CACNA1B: variants seen among roughly 807,000 people sequenced by gnomAD.
CACNA1B encodes calcium voltage-gated channel subunit alpha1 B.
Under a neutral mutation model 247.2 loss-of-function variants are expected in CACNA1B, and 70 were observed. The observed-to-expected ratio is 0.28, with a 90% CI of 0.23 to 0.35. The LOEUF (loss-of-function observed/expected upper bound fraction) is 0.35. Among genes scored for constraint, CACNA1B ranks in the 10% least tolerant of loss-of-function variants. The pLI is 1.00. For missense variants in CACNA1B, 2,367 were observed against 3,197.4 expected (o/e 0.74, Z 6.26); for synonymous variants, 1,231 against 1,294.4 (o/e 0.95, Z 1.05).
intron 6 of CACNA1B, among the ~76,000 whole-genome samples, chr9:137,945,892 C>T (rs1242784853): frequency 6.6e-6 from 1 of 152,078 alleles, no homozygotes; most frequent in Non-Finnish European, 1.5e-5. Flanking sequence ...CATCACAGCT[C>T]ACTGCAACCT....
At position 138,058,996 on chromosome 9, in the gene CACNA1B, C is replaced by G; in HGVS notation, c.4474-83C>G. On this transcript the variant is annotated intron_variant, in intron 29 of 46. Transcript: ENST00000371372. This position sits in a 1 kb window ranked among gnomAD's most constrained non-coding sequence, Gnocchi z 4.7. ...AGGCAGGCATCGAGTTCTGTCTGCCCGCTTTGCTTGGTCATAGTGGTCCCA... is the reference window on the plus strand; with the variant it reads ...AGGCAGGCATCGAGTTCTGTCTGCCGGCTTTGCTTGGTCATAGTGGTCCCA... 1 of 845,784 alleles carries G rather than the reference C, an allele frequency of 1.2e-6. No individual in the cohort carries two copies. The highest frequency in any genetic ancestry group is 1.5e-5 in the South Asian group (1 of 67,860). The allele number at this position is 845,784 out of a possible 1,614,324, so 52.4% of individuals were successfully genotyped here.
At position 137,990,655 on chromosome 9, in the gene CACNA1B, G is replaced by A. The variant is rs1364467813; in HGVS notation, c.1974+3801G>A. Reference sequence around the variant, plus strand: ...CTGGAGGTCAACCAATATAAAACCAGCACACTCAACAAAAATACAGCCAAG... The same window carrying A: ...CTGGAGGTCAACCAATATAAAACCAACACACTCAACAAAAATACAGCCAAG... On this transcript the variant is annotated intron_variant, in intron 15 of 46. Coordinates refer to ENST00000371372, the MANE Select transcript of CACNA1B (RefSeq NM_000718.4). This position sits in a 1 kb window ranked among gnomAD's most constrained non-coding sequence, Gnocchi z 4.5. Among the ~76,000 whole-genome samples the A allele has an allele frequency of 1.3e-5, 2 of 150,310 alleles. No individual in the cohort carries two copies. Among genetic ancestry groups the A allele is most frequent in the Admixed American group, 6.6e-5 (1 of 15,120 alleles).
chr9:137,954,856 T>TTGTGTGTGTGTGTGTGTGTGTGTGTGTG lies in CACNA1B; in HGVS notation c.1071-818_1071-817insTGTGTGTGTGTGTGTGTGTGTGTGTGTG, dbSNP rs150496046. ...ACACCCACTCCACCAACTCAGAAGC[T>TTGTGTGTGTGTGTGTGTGTGTGTGTGTG]TGTGTGTGTGTGTGTGTGTGTGTGA... On this transcript the variant is annotated intron_variant, in intron 7 of 46. Transcript: ENST00000371372. This position sits in a 1 kb window ranked among gnomAD's most constrained non-coding sequence, Gnocchi z 4.1. 2.5e-4 allele frequency among the ~76,000 whole-genome samples: 30 copies of TTGTGTGTGTGTGTGTGTGTGTGTGTGTG among 120,922 alleles called. No individual in the cohort carries two copies. The highest frequency in any genetic ancestry group is 7.9e-3 in the Middle Eastern group (2 of 252). 79.3% of individuals were successfully genotyped at this position (120,922 alleles called of 152,430 possible). A position where few individuals can be genotyped will look rare whatever the true frequency, so the allele number is the denominator to read the frequency against.
intron 39 of CACNA1B, among the ~76,000 whole-genome samples, chr9:138,109,793 G>A (rs1961560195): frequency 6.6e-6 from 1 of 152,214 alleles, no homozygotes; most frequent in Non-Finnish European, 1.5e-5. Flanking sequence ...CACAAGGCCA[G>A]GCGTTGGTGG....
At chr9:138,039,067 G>A (rs548982203) in intron 20 of CACNA1B, among the ~76,000 whole-genome samples, 6 of 152,094 alleles carry the variant, frequency 3.9e-5, no homozygotes, top group South Asian at 4.2e-4. Context: ...GTAGTGGGGC[G>A]TGCCTGTAAT....
chr9:138,064,048 T>C (rs1959828622), intron 31 of CACNA1B, among the ~76,000 whole-genome samples: 1 of 152,098 alleles, frequency 6.6e-6, no homozygotes, highest in Non-Finnish European at 1.5e-5. Flanking sequence ...CACTGAGAGA[T>C]GGGCCTGGGC....
At chr9:138,074,397 C>T (rs776724350) in intron 34 of CACNA1B, among the ~76,000 whole-genome samples, 10 of 152,250 alleles carry the variant, frequency 6.6e-5, no homozygotes, top group East Asian at 1.9e-4. Flanking sequence ...TGTGCCACCA[C>T]GCCCGGCTAA....
At chr9:137,932,024 A>G (rs1211145953) in intron 6 of CACNA1B, among the ~76,000 whole-genome samples, 8 of 152,138 alleles carry the variant, frequency 5.3e-5, no homozygotes, top group Admixed American at 3.9e-4. Flanking sequence ...TGACATAAAA[A>G]CAGCATTTTT....
Position 138,115,675 on chromosome 9 carries a change from G to A in CACNA1B, c.5773G>A (p.Ala1925Thr). Residue 1925 changes from alanine (A) to threonine (T), a missense_variant, in exon 42 of 47, where the codon GCC (alanine) becomes ACC (threonine). Coordinates refer to ENST00000371372, the MANE Select transcript of CACNA1B (RefSeq NM_000718.4). ...KSSTSLSNGG[A>T]IQNQESGIKE... ...TTCCACCTCCCTCAGCAATGGCGGG[G>A]CCATGTGAGTATCCAGATGCAGGAC... is the stretch of plus-strand genomic sequence containing the variant. The A allele has an allele frequency of 1.9e-6, 3 of 1,612,506 alleles. No individual in the cohort carries two copies. Among genetic ancestry groups the A allele is most frequent in the Non-Finnish European group, 2.5e-6 (3 of 1,179,168 alleles).
Position 138,010,853 on chromosome 9 carries a change from G to A in CACNA1B, c.2160+776G>A, listed in dbSNP as rs1958715170. 6.6e-6 allele frequency among the ~76,000 whole-genome samples: 1 copy of A among 152,186 alleles called. No homozygotes were observed. The highest frequency in any genetic ancestry group is 2.1e-4 in the South Asian group (1 of 4,828). ...TCCAGTGTCTCTCCATGCCTTCCCT[G>A]TTCCGGGGCTGAGAGAGGCAGGTTC... On this transcript the variant is annotated intron_variant, in intron 17 of 46. Coordinates refer to ENST00000371372, the MANE Select transcript of CACNA1B (RefSeq NM_000718.4). This position sits in a 1 kb window ranked among gnomAD's most constrained non-coding sequence, Gnocchi z 5.3.
At chr9:138,039,180 G>A (rs1201494562) in intron 20 of CACNA1B, among the ~76,000 whole-genome samples, 8 of 151,174 alleles carry the variant, frequency 5.3e-5, no homozygotes, top group Admixed American at 5.3e-4. Flanking sequence ...TGGGCGATAG[G>A]GCAAGACTCC....
rs189305051 is a variant in CACNA1B, at chr9:137,893,831, T to A, written c.530+10948T>A. ...AATAGCAGGGCCACGGTCTCATGAC[T>A]AGGTGCTGAGATTGACACAGGGCCC... On this transcript the variant is annotated intron_variant, in intron 3 of 46. Transcript: ENST00000371372. Among the ~76,000 whole-genome samples, 40 of 152,334 alleles carry A rather than the reference T, an allele frequency of 2.6e-4. No homozygotes were observed. In the East Asian group the frequency reaches 6.6e-3, roughly 25 times the overall value.
In CACNA1B at chr9:137,900,201, G is replaced by C. The variant is rs188733915; in HGVS notation, c.531-12979G>C. Among the ~76,000 whole-genome samples, 7 of 152,264 alleles carry C rather than the reference G, an allele frequency of 4.6e-5. No homozygotes were observed. The East Asian group carries it at 1.3e-3, about 29-fold the overall frequency. On this transcript the variant is annotated intron_variant, in intron 3 of 46. Coordinates refer to ENST00000371372, the MANE Select transcript of CACNA1B (RefSeq NM_000718.4). ...GGGTGCCCCCCTGGCCCACGCGGAG[G>C]GTGTGTGAGGTGCCCCCCTGGTCCA... is the stretch of plus-strand genomic sequence containing the variant.
intron 36 of CACNA1B, among the ~76,000 whole-genome samples, chr9:138,085,493 A>G (rs1156790660): frequency 6.6e-6 from 1 of 151,278 alleles, no homozygotes; most frequent in Non-Finnish European, 1.5e-5. Context: ...AAAATTCCCA[A>G]GTCTGGGGAG....
chr9:138,102,187 TCTC>T lies in CACNA1B; in HGVS notation c.5223-522_5223-520del, dbSNP rs977052444. The stretch of plus-strand genomic sequence containing the variant: ...TAGTTTTCTGGTTTGTTTCAGATCT[TCTC>T]CACCTTTTTAGCCTCTAGCCTCACT... On this transcript the variant is annotated intron_variant, in intron 37 of 46. Transcript: ENST00000371372. The surrounding 1 kb of genome is among the most constrained non-coding windows in gnomAD (Gnocchi z 5.4). Among the ~76,000 whole-genome samples, 4 of 152,086 alleles carry T rather than the reference TCTC, an allele frequency of 2.6e-5. No individual in the cohort carries two copies. Among genetic ancestry groups the T allele is most frequent in the African/African-American group, 7.2e-5 (3 of 41,398 alleles).
Position 138,053,745 on chromosome 9 carries a change from G to A in CACNA1B, c.3808-101G>A, listed in dbSNP as rs4876923. 0.11 allele frequency: 77,007 copies of A among 690,270 alleles called. 6,686 individuals carry two copies. The highest frequency in any genetic ancestry group is 0.19 in the Middle Eastern group (544 of 2,842). The allele number at this position is 690,270 out of a possible 1,614,324, so 42.8% of individuals were successfully genotyped here. A position where few individuals can be genotyped will look rare whatever the true frequency, so the allele number is the denominator to read the frequency against. ...CCCACCTTGGCTTCACCCCCTCATC[G>A]TGGCTCCACCCCTCCCCGTGACCCT... On this transcript the variant is annotated intron_variant, in intron 25 of 46. Transcript: ENST00000371372.
rs576553830 is a variant in CACNA1B at position 137,891,597 on chromosome 9, C to T, written c.530+8714C>T. On this transcript the variant is annotated intron_variant, in intron 3 of 46. Coordinates refer to ENST00000371372, the MANE Select transcript of CACNA1B (RefSeq NM_000718.4). This position sits in a 1 kb window ranked among gnomAD's most constrained non-coding sequence, Gnocchi z 4.3. The stretch of plus-strand genomic sequence containing the variant: ...GGTGGGAGCCTTGCTCCTGTGGGCA[C>T]GTGGTGGTGGACACCCCTTCCTGCT... 160 of 196,426 alleles carry T rather than the reference C, an allele frequency of 8.1e-4. No individual in the cohort carries two copies. Among genetic ancestry groups the T allele is most frequent in the Non-Finnish European group, 1.1e-3 (109 of 96,458 alleles). The allele number at this position is 196,426 out of a possible 1,614,324, so 12.2% of individuals were successfully genotyped here. A position where few individuals can be genotyped will look rare whatever the true frequency, so the allele number is the denominator to read the frequency against.
At chr9:138,094,248 G>A (rs1331954207) in intron 36 of CACNA1B, among the ~76,000 whole-genome samples, 1 of 152,086 alleles carries the variant, frequency 6.6e-6, no homozygotes, top group Non-Finnish European at 1.5e-5. Flanking sequence ...AAGTAGAATG[G>A]TGGTTTCCAG....
chr9:137,905,000 T>C (rs181191393), intron 3 of CACNA1B, among the ~76,000 whole-genome samples: 1 of 152,290 alleles, frequency 6.6e-6, no homozygotes, highest in African/African-American at 2.4e-5. Flanking sequence ...TTTCAGAAAC[T>C]AGTTTCTAAA....
Sources: gnomAD v4.1 joint callset for allele counts (sites outside exome capture counted in the v4.1 genomes callset) on GRCh38, gnomAD v4.1.1 for gene constraint, Gnocchi (gnomAD v3.1) non-coding constraint, MANE v1.5 for transcripts, NCBI Gene and HGNC (gene_info 2026-07-23, HGNC 2026-07-21) for gene names.